Variants in ATAD2 observed in about 807,000 individuals in gnomAD.
ATAD2 encodes ATPase family AAA domain containing 2.
A neutral mutation model predicts 168.9 loss-of-function variants in ATAD2; 62 were observed. The observed-to-expected ratio is 0.37, with a 90% confidence interval of 0.30 to 0.45. The LOEUF (loss-of-function observed/expected upper bound fraction) is 0.45, where lower values mean the gene tolerates loss of function less well. Among genes scored for constraint, ATAD2 ranks in the 20% least tolerant of loss-of-function variants. The pLI, the probability that ATAD2 is intolerant of heterozygous loss-of-function variation, is 1.00. For missense variants in ATAD2, 1,419 were observed against 1,667.8 expected (o/e 0.85, Z 2.60); for synonymous variants, 613 against 571.6 (o/e 1.07, Z -1.03).
rs79113375 is a variant in ATAD2 at position 123,371,415 on chromosome 8, T to C, written c.537-77A>G. ...TTTTAAAAACTTTATTTTTCTTCCA[T>C]TGCAAACTTTTGGCACTAAGGTTTT... On this transcript the variant is annotated intron_variant, in intron 4 of 27. Coordinates refer to ENST00000287394, the MANE Select transcript of ATAD2 (RefSeq NM_014109.4). 7.7e-3 allele frequency: 8,972 copies of C among 1,161,870 alleles called. 51 individuals carry two copies. The highest frequency in any genetic ancestry group is 9.8e-3 in the Non-Finnish European group (8,146 of 832,702). 72.0% of individuals were successfully genotyped at this position (1,161,870 alleles called of 1,614,324 possible).
At chr8:123,381,635 T>A (rs760870522) in intron 1 of ATAD2, among the ~76,000 whole-genome samples, 9 of 152,182 alleles carry the variant, frequency 5.9e-5, no homozygotes, top group Non-Finnish European at 1.0e-4. Context: ...CTTTATGAGC[T>A]AGAGGTTCTG....
chr8:123,338,569 C>T (rs1376808999), intron 20 of ATAD2, among the ~76,000 whole-genome samples: 1 of 152,076 alleles, frequency 6.6e-6, no homozygotes, highest in Non-Finnish European at 1.5e-5. Flanking sequence ...TAGAGTCCTG[C>T]CACAATGAGC....
intron 1 of ATAD2, among the ~76,000 whole-genome samples, chr8:123,412,978 A>C (rs1329014622): frequency 6.6e-6 from 1 of 151,994 alleles, no homozygotes; most frequent in African/African-American, 2.4e-5. Context: ...CTTTTCTTAG[A>C]GCATTTACTA....
chr8:123,401,199 G>A, upstream of ATAD2: 2 of 927,558 alleles, frequency 2.2e-6, no homozygotes, highest in South Asian at 2.6e-5. Flanking sequence ...AGAAAGTGAA[G>A]CTGCCTATCG....
upstream of ATAD2, chr8:123,400,478 G>A (rs774974201): frequency 1.6e-5 from 6 of 372,644 alleles, no homozygotes; most frequent in Admixed American, 7.4e-5. This position sits in a 1 kb window ranked among gnomAD's most constrained non-coding sequence, Gnocchi z 4.5. Flanking sequence ...CAAACCATTC[G>A]GGGGAACATA....
intron 27 of ATAD2, among the ~76,000 whole-genome samples, chr8:123,322,722 T>G (rs572213196): frequency 6.6e-6 from 1 of 152,232 alleles, no homozygotes; most frequent in East Asian, 1.9e-4. Context: ...ATTGGAAAAA[T>G]ACTAAACTCA....
chr8:123,322,599 GTGGAGGC>G (rs1160053273), intron 27 of ATAD2, among the ~76,000 whole-genome samples: 1 of 152,144 alleles, frequency 6.6e-6, no homozygotes. Flanking sequence ...AACCTTGGAG[GTGGAGGC>G]TGCAGTGAGT....
At chr8:123,398,965 T>G (rs1349886140), upstream of ATAD2, among the ~76,000 whole-genome samples, 1 of 152,218 alleles carries the variant, frequency 6.6e-6, no homozygotes, top group African/African-American at 2.4e-5. Flanking sequence ...TTACTTGGTT[T>G]TAAAATACTA....
rs185024690 is a variant in ATAD2, at chr8:123,371,541, T to A, written c.536+129A>T. On this transcript the variant is annotated intron_variant, in intron 4 of 27. Transcript: ENST00000287394. ...ACAGAATTGTCACAAAGACCTCTGA[T>A]AATCATTCTCCTGTACGCTTTACGT... 38 of 889,722 alleles carry A rather than the reference T, an allele frequency of 4.3e-5. No individual in the cohort carries two copies. The East Asian group carries it at 8.4e-4, about 20-fold the overall frequency. 55.1% of individuals were successfully genotyped at this position (889,722 alleles called of 1,614,324 possible). A position where few individuals can be genotyped will look rare whatever the true frequency, so the allele number is the denominator to read the frequency against.
At chr8:123,323,857 T>C (rs1198232553) in intron 26 of ATAD2, among the ~76,000 whole-genome samples, 3 of 152,322 alleles carry the variant, frequency 2.0e-5, no homozygotes, top group Non-Finnish European at 2.9e-5. Context: ...TATTACATAG[T>C]CTATTTTGAT....
At chr8:123,363,823 G>A (rs191901050) in intron 8 of ATAD2, among the ~76,000 whole-genome samples, 1 of 152,128 alleles carries the variant, frequency 6.6e-6, no homozygotes, top group East Asian at 1.9e-4. Flanking sequence ...TTATTAGTAG[G>A]CTCAATTTAC....
intron 22 of ATAD2, 46 bp downstream of exon 22, chr8:123,336,327 C>A: frequency 6.6e-7 from 1 of 1,509,220 alleles, no homozygotes; most frequent in Non-Finnish European, 8.9e-7. Flanking sequence ...TAAGTGTTAG[C>A]TGCCCCCCAA....
intron 2 of ATAD2, among the ~76,000 whole-genome samples, chr8:123,379,925 T>A (rs1362656471): frequency 6.6e-6 from 1 of 150,448 alleles, no homozygotes; most frequent in Non-Finnish European, 1.5e-5. Flanking sequence ...TCGCTCTTGT[T>A]GTCCAGGCTG....
upstream of ATAD2, among the ~76,000 whole-genome samples, chr8:123,397,459 G>A (rs115966351): frequency 4.7e-3 from 712 of 152,258 alleles, 1 homozygote; most frequent in African/African-American, 0.015. Flanking sequence ...ATAAGCGTTC[G>A]CTATTATCAC....
chr8:123,394,719 C>T (rs1026656831), intron 1 of ATAD2, among the ~76,000 whole-genome samples: 2 of 152,146 alleles, frequency 1.3e-5, no homozygotes, highest in Admixed American at 6.6e-5. Flanking sequence ...TAGTGTTACC[C>T]TGGACATAAA....
In ATAD2 at chr8:123,380,583, A is replaced by C; in HGVS notation, c.266T>G (p.Phe89Cys). Reference protein sequence around the residue: ...KDAQNSSDSSFEKNVEITEQL... With the variant: ...KDAQNSSDSSCEKNVEITEQL... ...CTCCGTTATTTCCACATTCTTCTCA[A>C]AACTAGAATCTGAAGAATTCTGTGC... is the stretch of plus-strand genomic sequence containing the variant. Residue 89 changes from phenylalanine (F) to cysteine (C), a missense_variant, in exon 2 of 28, where the codon TTT (phenylalanine) becomes TGT (cysteine). Coordinates refer to ENST00000287394, the MANE Select transcript of ATAD2 (RefSeq NM_014109.4). The C allele has an allele frequency of 1.2e-6, 2 of 1,614,028 alleles. No homozygotes were observed. Among genetic ancestry groups the C allele is most frequent in the Non-Finnish European group, 1.7e-6 (2 of 1,179,954 alleles).
intron 1 of ATAD2, 51 bp downstream of exon 1, chr8:123,396,136 G>A: frequency 3.3e-6 from 5 of 1,493,304 alleles, no homozygotes; most frequent in South Asian, 1.3e-5. Context: ...CCGGGCTGCC[G>A]GCAGTCCCCC....
upstream of ATAD2, among the ~76,000 whole-genome samples, chr8:123,398,886 G>C (rs1478829808): frequency 6.6e-6 from 1 of 152,170 alleles, no homozygotes; most frequent in Non-Finnish European, 1.5e-5. Flanking sequence ...ACCAACATAG[G>C]TGAAAAAGAA....
At position 123,328,229 on chromosome 8, in the gene ATAD2, A is replaced by G; in HGVS notation, c.3829T>C (p.Ser1277Pro). 2 of 1,464,824 alleles carry G rather than the reference A, an allele frequency of 1.4e-6. No homozygotes were observed. Among genetic ancestry groups the G allele is most frequent in the Non-Finnish European group, 1.8e-6 (2 of 1,109,354 alleles). The allele number at this position is 1,464,824 out of a possible 1,614,324, so 90.7% of individuals were successfully genotyped here. The change falls in exon 25 of 28, where the codon TCT (serine) becomes CCT (proline). Residue 1277 changes from serine (S) to proline (P), a missense_variant. Coordinates refer to ENST00000287394, the MANE Select transcript of ATAD2 (RefSeq NM_014109.4). ...TCATCAGAAATATGTATTATCTGAG[A>G]GCTAGAAGCATCTCCATTACAAGCA... Reference protein sequence around the residue: ...KIACNGDASSSQIIHISDENE... With the variant: ...KIACNGDASSPQIIHISDENE...
Sources: gnomAD v4.1 joint callset for allele counts (sites outside exome capture counted in the v4.1 genomes callset) on GRCh38, gnomAD v4.1.1 for gene constraint, Gnocchi (gnomAD v3.1) non-coding constraint, MANE v1.5 for transcripts, NCBI Gene and HGNC (gene_info 2026-07-23, HGNC 2026-07-21) for gene names.